The following ATRNL1 variants were observed in gnomAD, a reference collection of about 807,000 sequenced individuals.
ATRNL1 encodes attractin-like protein 1.
ATRNL1 carries 95 observed loss-of-function variants against 182.7 expected under a neutral mutation model. The observed-to-expected ratio is 0.52, with a 90% confidence interval of 0.44 to 0.62. The LOEUF is 0.62. Ranked by LOEUF, ATRNL1 falls within the 20% of genes least tolerant of loss-of-function variation. The pLI is 0.00. For synonymous variants in ATRNL1, 576 were observed against 568.3 expected (o/e 1.01, Z -0.19); for missense variants, 1,471 against 1,679.5 (o/e 0.88, Z 2.17).
At chr10:115,373,723 A>G (rs559087158) in intron 19 of ATRNL1, among the ~76,000 whole-genome samples, 27 of 151,958 alleles carry the variant, frequency 1.8e-4, no homozygotes, top group Non-Finnish European at 2.9e-4. Flanking sequence ...GATCTTGATG[A>G]ATGATTTTTT....
chr10:115,896,453 C>A (rs538036540), intron 28 of ATRNL1, among the ~76,000 whole-genome samples: 4 of 151,930 alleles, frequency 2.6e-5, no homozygotes, highest in Non-Finnish European at 4.4e-5. Flanking sequence ...ACAAAGATAG[C>A]GCAGTAAAAG....
At chr10:115,492,538 T>C (rs1050191411) in intron 24 of ATRNL1, among the ~76,000 whole-genome samples, 5 of 149,294 alleles carry the variant, frequency 3.3e-5, no homozygotes, top group Admixed American at 3.3e-4. Flanking sequence ...ATATTTCATT[T>C]ATTTTAGATA....
intron 28 of ATRNL1, among the ~76,000 whole-genome samples, chr10:115,897,062 TTAAC>T (rs1397324746): frequency 2.6e-5 from 4 of 152,166 alleles, no homozygotes; most frequent in African/African-American, 9.7e-5. Flanking sequence ...AGAGTCCTGA[TTAAC>T]TAATTTTCTT....
intron 26 of ATRNL1, among the ~76,000 whole-genome samples, chr10:115,630,110 C>T (rs1038275085): frequency 4.6e-5 from 7 of 151,912 alleles, no homozygotes; most frequent in African/African-American, 1.7e-4. Context: ...AGACCAGTGT[C>T]GAGGAGCTGT....
chr10:115,199,320 C>A (rs181556638), intron 8 of ATRNL1, among the ~76,000 whole-genome samples: 88 of 152,026 alleles, frequency 5.8e-4, no homozygotes, highest in Non-Finnish European at 7.4e-4. Flanking sequence ...GTAATCCCAG[C>A]ACTTTGGAGG....
rs78479734 is a variant in ATRNL1, at chr10:115,642,899, G to A, written c.3796-84349G>A. Among the ~76,000 whole-genome samples the A allele has an allele frequency of 6.3e-4, 96 of 152,312 alleles. 1 individual carries two copies. In the East Asian group the frequency reaches 0.017, roughly 26 times the overall value. ...TATTCTAAAGCAGTGGCTCTCAACA[G>A]AGGACTCTTTTGCACCCTCAGGAAA... On this transcript the variant is annotated intron_variant, in intron 26 of 28. Transcript: ENST00000355044.
intron 28 of ATRNL1, among the ~76,000 whole-genome samples, chr10:115,913,903 A>C (rs939625390): frequency 6.6e-6 from 1 of 152,112 alleles, no homozygotes; most frequent in African/African-American, 2.4e-5. Context: ...GTAACACTTC[A>C]TGAAGATATT....
chr10:115,274,470 T>C (rs1415928004), intron 13 of ATRNL1, among the ~76,000 whole-genome samples: 3 of 152,182 alleles, frequency 2.0e-5, no homozygotes, highest in African/African-American at 7.2e-5. Flanking sequence ...GCTAGACCCC[T>C]AGAGATTTCA....
intron 17 of ATRNL1, among the ~76,000 whole-genome samples, chr10:115,310,562 G>A (rs1853964897): frequency 6.6e-6 from 1 of 152,110 alleles, no homozygotes; most frequent in Non-Finnish European, 1.5e-5. Context: ...TAAGCTAGGA[G>A]AGTTGTGTGT....
chr10:115,312,607 ATCTC>A (rs1554928209), intron 17 of ATRNL1, among the ~76,000 whole-genome samples: 2 of 152,122 alleles, frequency 1.3e-5, no homozygotes, highest in African/African-American at 4.8e-5. Flanking sequence ...TGTGCAATGA[ATCTC>A]TCAGGAGCTC....
intron 20 of ATRNL1, among the ~76,000 whole-genome samples, chr10:115,419,518 C>T (rs1554961542): frequency 6.6e-6 from 1 of 152,124 alleles, no homozygotes; most frequent in Non-Finnish European, 1.5e-5. Context: ...ACTATGCTGC[C>T]TACAGGAGAC....
At position 115,721,084 on chromosome 10, in the gene ATRNL1, A is replaced by G. The variant is rs79906340; in HGVS notation, c.3796-6164A>G. 2.7e-4 allele frequency among the ~76,000 whole-genome samples: 41 copies of G among 152,156 alleles called. 1 individual carries two copies. In the East Asian group the frequency reaches 7.6e-3, roughly 28 times the overall value. ...TCATAGACTTTTCCAGTCCTCATCT[A>G]TTTGCCCTTTAGAGGTCTGTGATCT... On this transcript the variant is annotated intron_variant, in intron 26 of 28. Transcript: ENST00000355044.
intron 28 of ATRNL1, among the ~76,000 whole-genome samples, chr10:115,901,284 G>A (rs1289506765): frequency 6.6e-6 from 1 of 152,148 alleles, no homozygotes; most frequent in African/African-American, 2.4e-5. Context: ...GATAAAATAT[G>A]TATATGGAGT....
At chr10:115,799,134 G>A (rs550012164) in intron 27 of ATRNL1, among the ~76,000 whole-genome samples, 111 of 152,000 alleles carry the variant, frequency 7.3e-4, no homozygotes, top group African/African-American at 2.4e-3. Context: ...CTTTCTTTAC[G>A]TCGGAGATCC....
At chr10:115,466,445 GT>G (rs1554970817) in intron 22 of ATRNL1, among the ~76,000 whole-genome samples, 3 of 151,172 alleles carry the variant, frequency 2.0e-5, no homozygotes, top group African/African-American at 7.3e-5. Flanking sequence ...GGAACAAATA[GT>G]TGTAAATATA....
At chr10:115,822,400 G>T (rs1950323574) in intron 27 of ATRNL1, among the ~76,000 whole-genome samples, 1 of 152,128 alleles carries the variant, frequency 6.6e-6, no homozygotes, top group African/African-American at 2.4e-5. Context: ...AAATTCAAAA[G>T]CTAGAAGAAG....
At chr10:115,114,449 A>G (rs1009418938) in intron 1 of ATRNL1, among the ~76,000 whole-genome samples, 4 of 152,218 alleles carry the variant, frequency 2.6e-5, no homozygotes, top group African/African-American at 7.2e-5. Flanking sequence ...GAGTGAAGAG[A>G]CAACCTACAC....
At chr10:115,710,799 A>T (rs1428983268) in intron 26 of ATRNL1, among the ~76,000 whole-genome samples, 1 of 152,142 alleles carries the variant, frequency 6.6e-6, no homozygotes, top group Admixed American at 6.6e-5. Flanking sequence ...AAAATAAAAT[A>T]CCCTAATAAA....
intron 28 of ATRNL1, among the ~76,000 whole-genome samples, chr10:115,886,967 C>T (rs79974631): frequency 0.024 from 3,724 of 152,236 alleles, 73 homozygotes; most frequent in Non-Finnish European, 0.036. Context: ...TTAGTTTACC[C>T]TTCATTTTTA....
Sources: allele counts gnomAD v4.1 joint callset (sites outside exome capture counted in the v4.1 genomes callset), GRCh38; gene constraint gnomAD v4.1.1; transcripts MANE v1.5; gene names NCBI Gene and HGNC (gene_info 2026-07-23, HGNC 2026-07-21).